The following ANGPT1 variants were observed in gnomAD, a reference collection of about 807,000 sequenced individuals.
ANGPT1 encodes the protein angiopoietin 1.
ANGPT1 carries 17 observed loss-of-function variants against 62.2 expected under a neutral mutation model. The observed-to-expected ratio is 0.27, with a 90% confidence interval of 0.19 to 0.41. The LOEUF is 0.41. ANGPT1 is among the 10% of genes least tolerant of loss of function. The probability of loss-of-function intolerance (pLI) is 1.00; values close to 1 mark genes in which losing one functional copy is unlikely to be tolerated. For missense variants in ANGPT1, 478 were observed against 594.9 expected (o/e 0.80, Z 2.04); for synonymous variants, 199 against 198.9 (o/e 1.00, Z 0.00).
chr8:107,341,165 G>A (rs1453698949), intron 2 of ANGPT1, among the ~76,000 whole-genome samples: 1 of 152,166 alleles, frequency 6.6e-6, no homozygotes, highest in Non-Finnish European at 1.5e-5. Flanking sequence ...TGGCATATGT[G>A]TCTCCTGAAG....
intron 1 of ANGPT1, among the ~76,000 whole-genome samples, chr8:107,442,411 C>T (rs1373654280): frequency 6.6e-6 from 1 of 152,124 alleles, no homozygotes; most frequent in Non-Finnish European, 1.5e-5. Flanking sequence ...TTGTACTTAG[C>T]TTCCTATTTT....
chr8:107,267,332 C>T (rs1433372703), intron 7 of ANGPT1, among the ~76,000 whole-genome samples: 1 of 152,044 alleles, frequency 6.6e-6, no homozygotes, highest in African/African-American at 2.4e-5. Context: ...TCAATAGTCA[C>T]AAGACTAAGG....
intron 5 of ANGPT1, chr8:107,294,268 T>A (rs1348650663): frequency 2.8e-6 from 1 of 361,396 alleles, no homozygotes. Flanking sequence ...CATGCACAAA[T>A]TTTAGTCAGC....
At chr8:107,383,209 G>C (rs1004808625) in intron 1 of ANGPT1, among the ~76,000 whole-genome samples, 1 of 152,108 alleles carries the variant, frequency 6.6e-6, no homozygotes, top group African/African-American at 2.4e-5. Flanking sequence ...TATTTTTAGT[G>C]ACCACAGAGA....
At chr8:107,473,781 G>A (rs1812428148) in intron 1 of ANGPT1, among the ~76,000 whole-genome samples, 1 of 151,964 alleles carries the variant, frequency 6.6e-6, no homozygotes, top group Admixed American at 6.6e-5. Context: ...ACAATGTAAG[G>A]CTCATTACCC....
chr8:107,453,139 TAAAC>T (rs1438579211), intron 1 of ANGPT1, among the ~76,000 whole-genome samples: 1 of 152,106 alleles, frequency 6.6e-6, no homozygotes, highest in Non-Finnish European at 1.5e-5. Flanking sequence ...AATGCTAACA[TAAAC>T]ATACATTAAT....
intron 7 of ANGPT1, among the ~76,000 whole-genome samples, chr8:107,271,617 C>A (rs972368159): frequency 1.3e-5 from 2 of 151,796 alleles, no homozygotes; most frequent in Non-Finnish European, 2.9e-5. Flanking sequence ...GGCCCCATAT[C>A]CTTTGGAAGT....
At chr8:107,444,628 A>G (rs1475653590) in intron 1 of ANGPT1, among the ~76,000 whole-genome samples, 1 of 152,224 alleles carries the variant, frequency 6.6e-6, no homozygotes, top group African/African-American at 2.4e-5. Flanking sequence ...GTATGAAGTC[A>G]AAAGACATAG....
At chr8:107,305,383 TATGGAGAAC>T (rs1814690238) in intron 4 of ANGPT1, among the ~76,000 whole-genome samples, 2 of 151,952 alleles carry the variant, frequency 1.3e-5, no homozygotes, top group Non-Finnish European at 2.9e-5. Context: ...TTTAGTTATG[TATGGAGAAC>T]ACATTCCCTT....
intron 1 of ANGPT1, among the ~76,000 whole-genome samples, chr8:107,423,277 C>G (rs879488741): frequency 5.3e-5 from 8 of 152,204 alleles, no homozygotes; most frequent in Admixed American, 5.2e-4. Flanking sequence ...GATAAAGCGT[C>G]AATAATGAAT....
At chr8:107,282,260 A>G (rs960594202) in intron 7 of ANGPT1, among the ~76,000 whole-genome samples, 17 of 151,862 alleles carry the variant, frequency 1.1e-4, no homozygotes, top group African/African-American at 4.1e-4. Flanking sequence ...ATGACTGCAC[A>G]TCTACTTTCT....
chr8:107,390,461 G>A (rs757917186), intron 1 of ANGPT1, among the ~76,000 whole-genome samples: 5 of 152,158 alleles, frequency 3.3e-5, no homozygotes, highest in African/African-American at 4.8e-5. Flanking sequence ...TGAGATGAGT[G>A]TTACAAAGTG....
intron 7 of ANGPT1, among the ~76,000 whole-genome samples, chr8:107,268,324 T>C (rs1813661598): frequency 6.6e-6 from 1 of 152,114 alleles, no homozygotes; most frequent in East Asian, 1.9e-4. Context: ...ACATCTCATT[T>C]AGTTAGGTAC....
intron 1 of ANGPT1, among the ~76,000 whole-genome samples, chr8:107,481,403 G>A (rs1427545310): frequency 6.6e-6 from 1 of 151,212 alleles, no homozygotes; most frequent in African/African-American, 2.4e-5. Context: ...GCGCGGTGGC[G>A]GGCTCCTGTA....
intron 1 of ANGPT1, among the ~76,000 whole-genome samples, chr8:107,440,464 T>C (rs1002242233): frequency 6.6e-6 from 1 of 152,166 alleles, no homozygotes; most frequent in African/African-American, 2.4e-5. Flanking sequence ...TAGGTTTCCA[T>C]TTTTTCATTC....
At chr8:107,478,118 G>A (rs1812581679) in intron 1 of ANGPT1, among the ~76,000 whole-genome samples, 1 of 145,598 alleles carries the variant, frequency 6.9e-6, no homozygotes, top group Non-Finnish European at 1.5e-5. Flanking sequence ...TTTTATATTT[G>A]TTTTCTCTGC....
chr8:107,333,948 G>GAA (rs1392797281), intron 3 of ANGPT1, among the ~76,000 whole-genome samples: 1 of 113,522 alleles, frequency 8.8e-6, no homozygotes, highest in Non-Finnish European at 1.8e-5. Context: ...GAAAGAAAAA[G>GAA]AAAGAAAGAA....
At chr8:107,312,281 C>T (rs532432616) in intron 4 of ANGPT1, among the ~76,000 whole-genome samples, 7 of 152,242 alleles carry the variant, frequency 4.6e-5, no homozygotes, top group Admixed American at 2.0e-4. Context: ...TCAGGTGTTT[C>T]GTGTGTGTTA....
At chr8:107,439,673 T>C (rs1811422094) in intron 1 of ANGPT1, among the ~76,000 whole-genome samples, 1 of 152,192 alleles carries the variant, frequency 6.6e-6, no homozygotes, top group South Asian at 2.1e-4. Flanking sequence ...ATAAATACTA[T>C]CCTCAAGGCA....
Sources: allele counts gnomAD v4.1 joint callset (sites outside exome capture counted in the v4.1 genomes callset), GRCh38; gene constraint gnomAD v4.1.1; transcripts MANE v1.5; gene names NCBI Gene and HGNC (gene_info 2026-07-23, HGNC 2026-07-21).